The following SV2C variants were observed in gnomAD, a reference collection of about 807,000 sequenced individuals.
SV2C encodes the protein solute carrier family 22 member B3.
A neutral mutation model predicts 79.7 loss-of-function variants in SV2C; 49 were observed. The ratio of observed to expected loss-of-function variants is 0.61; its 90% CI spans 0.49 to 0.78. SV2C has a LOEUF of 0.78. Among genes scored for constraint, SV2C ranks in the 30% least tolerant of loss-of-function variants. The pLI, the probability that SV2C is intolerant of heterozygous loss-of-function variation, is 0.00. For missense variants in SV2C, 833 were observed against 912.9 expected, an observed-to-expected ratio of 0.91 and a Z score of 1.13; for synonymous variants, 334 against 333.2, an observed-to-expected ratio of 1.00 and a Z score of -0.03.
the SV2C span, among the ~76,000 whole-genome samples, chr5:75,932,425 C>T: frequency 6.8e-6 from 1 of 147,566 alleles, no homozygotes. Context: ...GGAATTAAGA[C>T]AAAGATACAG....
chr5:76,342,192 A>T (rs979744381), intron 12 of SV2C, among the ~76,000 whole-genome samples: 13 of 152,328 alleles, frequency 8.5e-5, no homozygotes, highest in Non-Finnish European at 1.5e-4. Flanking sequence ...GCAGGCCGTG[A>T]GTACACAGTA....
intron 1 of SV2C, among the ~76,000 whole-genome samples, chr5:76,117,746 G>A (rs139591449): frequency 1.1e-4 from 16 of 151,886 alleles, no homozygotes; most frequent in African/African-American, 3.9e-4. Context: ...TAACAAAAAA[G>A]TTCCAGAACT....
chr5:76,025,432 A>G, the SV2C span, among the ~76,000 whole-genome samples: 1 of 152,214 alleles, frequency 6.6e-6, no homozygotes, highest in African/African-American at 2.4e-5. Flanking sequence ...GTTTATTCGT[A>G]GCAGAAGGAA....
At chr5:76,070,683 C>A in the SV2C span, among the ~76,000 whole-genome samples, 2 of 152,306 alleles carry the variant, frequency 1.3e-5, no homozygotes, top group Admixed American at 1.3e-4. Flanking sequence ...TTCTAGCCAT[C>A]TTTTGGTAGT....
the SV2C span, among the ~76,000 whole-genome samples, chr5:75,986,852 A>C: frequency 6.6e-6 from 1 of 151,938 alleles, no homozygotes; most frequent in Non-Finnish European, 1.5e-5. Context: ...GCAGATAGAG[A>C]TACTGTCTCC....
At chr5:75,966,787 T>G in the SV2C span, among the ~76,000 whole-genome samples, 4 of 152,156 alleles carry the variant, frequency 2.6e-5, no homozygotes, top group Non-Finnish European at 5.9e-5. Flanking sequence ...GAATTCCTCC[T>G]GAGTGAAGCC....
At chr5:75,850,581 T>C in the SV2C span, among the ~76,000 whole-genome samples, 1 of 151,778 alleles carries the variant, frequency 6.6e-6, no homozygotes, top group African/African-American at 2.4e-5. Flanking sequence ...GTGGTGTGGG[T>C]ACATATGTAA....
At chr5:75,911,096 A>G in the SV2C span, 7 of 1,440,560 alleles carry the variant, frequency 4.9e-6, no homozygotes, top group Non-Finnish European at 6.8e-6. Flanking sequence ...CCGGGGGAAG[A>G]TAATTCTGAG....
At chr5:75,948,765 T>C in the SV2C span, among the ~76,000 whole-genome samples, 1 of 151,848 alleles carries the variant, frequency 6.6e-6, no homozygotes, top group South Asian at 2.1e-4. Context: ...AGAAAGCTGG[T>C]ATAATTAGAG....
At chr5:76,077,143 C>T in the SV2C span, among the ~76,000 whole-genome samples, 1 of 152,088 alleles carries the variant, frequency 6.6e-6, no homozygotes, top group Non-Finnish European at 1.5e-5. Flanking sequence ...GTATATGCCT[C>T]CTAATTAAAC....
At chr5:75,992,994 G>A in the SV2C span, among the ~76,000 whole-genome samples, 3 of 151,956 alleles carry the variant, frequency 2.0e-5, no homozygotes, top group Non-Finnish European at 2.9e-5. Flanking sequence ...TAAAACCTTG[G>A]GAGCTAATCC....
At chr5:76,071,073 G>A in the SV2C span, among the ~76,000 whole-genome samples, 1 of 152,188 alleles carries the variant, frequency 6.6e-6, no homozygotes, top group Non-Finnish European at 1.5e-5. Context: ...TGAGAAGGAG[G>A]TGGAAAAAGG....
the SV2C span, among the ~76,000 whole-genome samples, chr5:75,848,967 A>C: frequency 1.3e-5 from 2 of 152,254 alleles, no homozygotes; most frequent in Admixed American, 6.5e-5. Flanking sequence ...TATACATTAA[A>C]TATTCGGCAC....
the SV2C span, among the ~76,000 whole-genome samples, chr5:75,901,891 C>G: frequency 3.9e-4 from 60 of 152,218 alleles, no homozygotes; most frequent in Non-Finnish European, 7.3e-4. Context: ...ACCTTCCAAG[C>G]CAGGTGCGGG....
rs145914190 is a variant in SV2C, at chr5:76,166,263, GT to G, written c.581-28655del. ...ACAGTAGCTTCCACAACCCTGCAGT[GT>G]GGAACCTGTGATCTGGCTCAAATTC... On this transcript the variant is annotated intron_variant, in intron 2 of 12. Coordinates refer to ENST00000502798, the MANE Select transcript of SV2C (RefSeq NM_014979.4). 3.1e-3 allele frequency among the ~76,000 whole-genome samples: 479 copies of G among 152,278 alleles called. 14 individuals are homozygous for G. In the East Asian group the frequency reaches 0.058, roughly 18 times the overall value.
intron 4 of SV2C, among the ~76,000 whole-genome samples, chr5:76,221,219 ATG>A (rs1745055500): frequency 6.6e-6 from 1 of 152,208 alleles, no homozygotes; most frequent in Non-Finnish European, 1.5e-5. Flanking sequence ...AGCTCAGGGA[ATG>A]GTCAGGAAGG....
intron 3 of SV2C, among the ~76,000 whole-genome samples, chr5:76,197,169 G>A (rs1352678755): frequency 6.6e-6 from 1 of 152,208 alleles, no homozygotes; most frequent in African/African-American, 2.4e-5. Context: ...ACCTTGGAGT[G>A]TGAAGATCAA....
At chr5:76,003,129 A>G in the SV2C span, among the ~76,000 whole-genome samples, 37 of 152,254 alleles carry the variant, frequency 2.4e-4, no homozygotes, top group African/African-American at 8.7e-4. Flanking sequence ...CATCATGTGA[A>G]TAAGGACGTC....
At chr5:76,089,435 G>T (rs1174203226) in intron 1 of SV2C, among the ~76,000 whole-genome samples, 1 of 152,116 alleles carries the variant, frequency 6.6e-6, no homozygotes, top group Non-Finnish European at 1.5e-5. Context: ...TCATTGATGG[G>T]CATTTAGGTT....
Sources: gnomAD v4.1 joint callset for allele counts (sites outside exome capture counted in the v4.1 genomes callset) on GRCh38, gnomAD v4.1.1 for gene constraint, MANE v1.5 for transcripts, NCBI Gene and HGNC (gene_info 2026-07-23, HGNC 2026-07-21) for gene names.